MAD1L1: variants seen among roughly 807,000 people sequenced by gnomAD.
The protein encoded by MAD1L1 is mitotic spindle assembly checkpoint protein MAD1.
A neutral mutation model predicts 96.9 loss-of-function variants in MAD1L1; 95 were observed. The observed-to-expected ratio is 0.98, with a 90% CI of 0.83 to 1.16. The LOEUF (loss-of-function observed/expected upper bound fraction) is 1.16, where lower values mean the gene tolerates loss of function less well. Among genes scored for constraint, MAD1L1 ranks in the 50% most tolerant of loss-of-function variants. MAD1L1 has a pLI of 0.00. For synonymous variants in MAD1L1, 473 were observed against 396.6 expected, an observed-to-expected ratio of 1.19 and a Z score of -2.29; for missense variants, 1,007 against 954.4, an observed-to-expected ratio of 1.06 and a Z score of -0.73.
chr7:2,172,531 CG>C (rs1276659337), intron 10 of MAD1L1, among the ~76,000 whole-genome samples: 2 of 152,238 alleles, frequency 1.3e-5, no homozygotes, highest in Non-Finnish European at 2.9e-5. Context: ...CTGCCTGCAC[CG>C]TGTGCTTCCC....
At chr7:1,847,610 T>G (rs776951897) in intron 18 of MAD1L1, 1 of 471,066 alleles carries the variant, frequency 2.1e-6, no homozygotes, top group South Asian at 1.5e-5. Context: ...CATGGAGATC[T>G]CAGCCCTGGG....
At chr7:1,874,476 C>A in intron 18 of MAD1L1, 1 of 452,520 alleles carries the variant, frequency 2.2e-6, no homozygotes, top group Non-Finnish European at 4.4e-6. Flanking sequence ...GGAGAGGAGG[C>A]GGAGGGCTGA....
chr7:2,164,470 C>T lies in MAD1L1; in HGVS notation c.987-15232G>A, dbSNP rs528222483. Among the ~76,000 whole-genome samples the T allele has an allele frequency of 8.5e-5, 13 of 152,256 alleles. No individual in the cohort carries two copies. The East Asian group carries it at 2.3e-3, about 27-fold the overall frequency. ...CCCCTGTGACGGTTGCTGGTGCCCA[C>T]GCCCATCGCCCGAGCAGGGGCAGAC... On this transcript the variant is annotated intron_variant, in intron 10 of 18. Coordinates refer to ENST00000265854, the MANE Select transcript of MAD1L1 (RefSeq NM_001013836.2).
chr7:1,861,135 C>T (rs574229958), intron 18 of MAD1L1, among the ~76,000 whole-genome samples: 1 of 152,304 alleles, frequency 6.6e-6, no homozygotes, highest in South Asian at 2.1e-4. Flanking sequence ...CCTCCATATT[C>T]AAACCACAAC....
chr7:2,070,601 C>T (rs3800871), intron 11 of MAD1L1, among the ~76,000 whole-genome samples: 103,210 of 152,006 alleles, frequency 0.68, 35,270 homozygotes, highest in South Asian at 0.79. Flanking sequence ...AGGCGCAGAG[C>T]GGAACGGCGC....
At chr7:1,980,345 C>T (rs1780838218) in intron 15 of MAD1L1, 108 bp downstream of exon 15, 3 of 897,688 alleles carry the variant, frequency 3.3e-6, no homozygotes, top group Non-Finnish European at 5.2e-6. Context: ...CCCCACAGGA[C>T]ACACCTGGGC....
intron 17 of MAD1L1, among the ~76,000 whole-genome samples, chr7:1,911,191 C>T (rs1285631819): frequency 6.6e-6 from 1 of 152,148 alleles, no homozygotes; most frequent in Non-Finnish European, 1.5e-5. Context: ...CTGGATTCAG[C>T]ACTCAACACC....
chr7:2,053,115 G>A (rs1430400908), intron 12 of MAD1L1, among the ~76,000 whole-genome samples: 6 of 152,222 alleles, frequency 3.9e-5, no homozygotes, highest in Non-Finnish European at 7.3e-5. Flanking sequence ...CACGTCTTGC[G>A]ACTTTGGTTG....
chr7:1,958,905 C>T (rs762445842), intron 15 of MAD1L1, among the ~76,000 whole-genome samples: 1 of 152,076 alleles, frequency 6.6e-6, no homozygotes, highest in African/African-American at 2.4e-5. Context: ...GATTAGAATC[C>T]GTAAGAGAAA....
At chr7:2,003,016 G>C (rs59247352) in intron 13 of MAD1L1, among the ~76,000 whole-genome samples, 620 of 3,658 alleles carry the variant, frequency 0.17, 2 homozygotes, top group Middle Eastern at 0.35. Flanking sequence ...GAGGAAGGGC[G>C]AGGCAGGGGG....
intron 12 of MAD1L1, among the ~76,000 whole-genome samples, chr7:2,018,541 T>A (rs1782644725): frequency 6.6e-6 from 1 of 152,082 alleles, no homozygotes; most frequent in Admixed American, 6.5e-5. Context: ...CGCCCAGCAC[T>A]CCCTAAGTCC....
rs115416513 is a variant in MAD1L1, at chr7:1,930,691, C to T, written c.1807+5996G>A. Among the ~76,000 whole-genome samples, 1,078 of 151,288 alleles carry T rather than the reference C, an allele frequency of 7.1e-3. 12 individuals carry two copies. Among genetic ancestry groups the T allele is most frequent in the African/African-American group, 0.025 (1,032 of 41,096 alleles). On this transcript the variant is annotated intron_variant, in intron 17 of 18. Coordinates refer to ENST00000265854, the MANE Select transcript of MAD1L1 (RefSeq NM_001013836.2). ...TCCCCAGAGCAGGAAGAGACATCTGCTGACCCCCGAGATGCTGGGTGATCA... is the reference window on the plus strand; with the variant it reads ...TCCCCAGAGCAGGAAGAGACATCTGTTGACCCCCGAGATGCTGGGTGATCA...
chr7:2,102,962 C>T (rs73285754), intron 11 of MAD1L1, among the ~76,000 whole-genome samples: 2,064 of 152,302 alleles, frequency 0.014, 43 homozygotes, highest in African/African-American at 0.047. Flanking sequence ...AAAACAGGTT[C>T]GGCAGAGGTG....
At chr7:1,965,849 C>T (rs749950330) in intron 15 of MAD1L1, among the ~76,000 whole-genome samples, 4 of 152,258 alleles carry the variant, frequency 2.6e-5, no homozygotes, top group African/African-American at 7.2e-5. Context: ...ACAGACGGTG[C>T]GAAGAGAGCC....
intron 11 of MAD1L1, chr7:2,079,723 C>T (rs1311014600): frequency 2.1e-6 from 1 of 471,014 alleles, no homozygotes; most frequent in Admixed American, 2.3e-5. Flanking sequence ...CAGGGCTCCT[C>T]CAAATGCTGG....
intron 15 of MAD1L1, among the ~76,000 whole-genome samples, chr7:1,963,409 G>A (rs1780030548): frequency 1.3e-5 from 2 of 152,186 alleles, no homozygotes; most frequent in South Asian, 2.1e-4. Context: ...GCACGTCGGC[G>A]GGTTTGGGGT....
chr7:2,098,815 C>A (rs1245111423), intron 11 of MAD1L1, among the ~76,000 whole-genome samples: 6 of 152,198 alleles, frequency 3.9e-5, no homozygotes, highest in Non-Finnish European at 8.8e-5. Context: ...CAAGGCCCGG[C>A]GTCCCCAGAG....
intron 14 of MAD1L1, among the ~76,000 whole-genome samples, chr7:1,983,632 C>T (rs547918439): frequency 2.0e-5 from 3 of 152,192 alleles, no homozygotes; most frequent in Non-Finnish European, 2.9e-5. Context: ...ATAATTTACA[C>T]GCAGTAAACT....
chr7:2,196,876 C>T (rs762630293), intron 10 of MAD1L1, among the ~76,000 whole-genome samples: 4 of 152,226 alleles, frequency 2.6e-5, no homozygotes, highest in Non-Finnish European at 5.9e-5. Context: ...CAACAGGAAA[C>T]ACCGCCCACC....
Sources: allele counts gnomAD v4.1 joint callset (sites outside exome capture counted in the v4.1 genomes callset), GRCh38; gene constraint gnomAD v4.1.1; transcripts MANE v1.5; gene names NCBI Gene and HGNC (gene_info 2026-07-23, HGNC 2026-07-21).